Variants in KCNH7 observed in about 807,000 individuals in gnomAD.
KCNH7 encodes potassium voltage-gated channel subfamily H member 7.
A neutral mutation model predicts 120.8 loss-of-function variants in KCNH7; 49 were observed. The ratio of observed to expected loss-of-function variants is 0.41; its 90% CI spans 0.32 to 0.51. The LOEUF (loss-of-function observed/expected upper bound fraction) is 0.51. Ranked by LOEUF, KCNH7 falls within the 20% of genes least tolerant of loss-of-function variation. The pLI is 0.38. For missense variants in KCNH7, 1,097 were observed against 1,446.6 expected (o/e 0.76, Z 3.92); for synonymous variants, 547 against 516.1 (o/e 1.06, Z -0.81).
Position 162,446,227 on chromosome 2 carries a change from T to C in KCNH7, c.1345A>G (p.Ser449Gly). 6.2e-7 allele frequency: 1 copy of C among 1,613,768 alleles called. No individual in the cohort carries two copies. The highest frequency in any genetic ancestry group is 8.5e-7 in the Non-Finnish European group (1 of 1,179,698). The change falls in exon 7 of 16, where the codon AGC becomes GGC. Residue 449 changes from serine to glycine, a missense_variant. Transcript: ENST00000332142. ...QKRRECGYSC[S>G]PLNVVDLIVD... is the part of the protein sequence containing the mutation. ...ATCAAGTCTACCACATTCAAAGGGCTACAAGAATAGCCACATTCTCGTCTT... is the reference window on the plus strand; with the variant it reads ...ATCAAGTCTACCACATTCAAAGGGCCACAAGAATAGCCACATTCTCGTCTT...
chr2:162,524,372 C>A (rs752205572), intron 3 of KCNH7, among the ~76,000 whole-genome samples: 3 of 151,984 alleles, frequency 2.0e-5, no homozygotes, highest in Non-Finnish European at 4.4e-5. Flanking sequence ...CTGCCTTAAA[C>A]TACAATTTCC....
intron 2 of KCNH7, among the ~76,000 whole-genome samples, chr2:162,761,197 A>C (rs1371687311): frequency 6.6e-6 from 1 of 152,092 alleles, no homozygotes; most frequent in Non-Finnish European, 1.5e-5. Flanking sequence ...AATTGATTAG[A>C]AAGCTACTCA....
chr2:162,546,230 G>A (rs560191280), intron 2 of KCNH7, among the ~76,000 whole-genome samples: 7 of 152,142 alleles, frequency 4.6e-5, no homozygotes, highest in African/African-American at 1.7e-4. Context: ...GCCGATTTGC[G>A]GTGCTGCACT....
intron 12 of KCNH7, among the ~76,000 whole-genome samples, chr2:162,385,573 T>A (rs1686548699): frequency 6.6e-6 from 1 of 151,912 alleles, no homozygotes; most frequent in African/African-American, 2.4e-5. Context: ...ATTGGCTGTT[T>A]TATACTGAAA....
intron 6 of KCNH7, among the ~76,000 whole-genome samples, chr2:162,483,838 A>C (rs978435046): frequency 6.6e-6 from 1 of 152,134 alleles, no homozygotes; most frequent in Admixed American, 6.6e-5. Context: ...TGTATTTCTT[A>C]AAGCATTTAT....
intron 2 of KCNH7, among the ~76,000 whole-genome samples, chr2:162,561,704 C>T (rs1388799652): frequency 6.6e-6 from 1 of 152,100 alleles, no homozygotes; most frequent in Non-Finnish European, 1.5e-5. Context: ...TGAGAAGTGT[C>T]TGTTCATATC....
intron 6 of KCNH7, among the ~76,000 whole-genome samples, chr2:162,465,874 C>T (rs1689290009): frequency 6.6e-6 from 1 of 152,104 alleles, no homozygotes; most frequent in African/African-American, 2.4e-5. Flanking sequence ...ATAGACTGCC[C>T]ACCATTAATT....
intron 6 of KCNH7, among the ~76,000 whole-genome samples, chr2:162,483,680 A>G (rs1288170507): frequency 6.6e-6 from 1 of 152,110 alleles, no homozygotes; most frequent in South Asian, 2.1e-4. Flanking sequence ...ATAACCCTCT[A>G]AATTTTCATT....
chr2:162,604,590 T>C (rs1694669248), intron 2 of KCNH7, among the ~76,000 whole-genome samples: 2 of 152,062 alleles, frequency 1.3e-5, no homozygotes, highest in Admixed American at 6.6e-5. Flanking sequence ...CTCTTTGTTT[T>C]CCCCTCTAAA....
chr2:162,748,131 G>A (rs1399946599), intron 2 of KCNH7, among the ~76,000 whole-genome samples: 1 of 152,206 alleles, frequency 6.6e-6, no homozygotes, highest in Non-Finnish European at 1.5e-5. Flanking sequence ...AGACTTACTT[G>A]CAGAAGGGAA....
intron 2 of KCNH7, among the ~76,000 whole-genome samples, chr2:162,788,109 A>C (rs1384438620): frequency 6.6e-6 from 1 of 152,212 alleles, no homozygotes; most frequent in Non-Finnish European, 1.5e-5. Flanking sequence ...AACAAAGAAA[A>C]AAAAATAAAG....
chr2:162,621,150 C>T (rs1186596829), intron 2 of KCNH7, among the ~76,000 whole-genome samples: 1 of 149,370 alleles, frequency 6.7e-6, no homozygotes, highest in Non-Finnish European at 1.5e-5. Flanking sequence ...CAGGATATTA[C>T]TAATTTTAAA....
chr2:162,415,698 A>T (rs577223016), intron 9 of KCNH7, among the ~76,000 whole-genome samples: 193 of 152,240 alleles, frequency 1.3e-3, no homozygotes, highest in South Asian at 3.1e-3. Flanking sequence ...AATTTTTTTA[A>T]AAAAATTTAT....
intron 2 of KCNH7, among the ~76,000 whole-genome samples, chr2:162,805,839 C>A (rs896703716): frequency 2.6e-5 from 4 of 152,072 alleles, no homozygotes; most frequent in Non-Finnish European, 4.4e-5. Flanking sequence ...GTTCAGTGCC[C>A]ATTCACCAAT....
At chr2:162,453,016 T>A (rs1373110779) in intron 6 of KCNH7, among the ~76,000 whole-genome samples, 1 of 152,088 alleles carries the variant, frequency 6.6e-6, no homozygotes, top group East Asian at 1.9e-4. Context: ...TAGGTATACA[T>A]GTACCATGGT....
rs528145811 is a variant in KCNH7 at position 162,554,541 on chromosome 2, C to A, written c.308-17461G>T. Among the ~76,000 whole-genome samples the A allele has an allele frequency of 2.6e-5, 4 of 152,242 alleles. No homozygotes were observed. In the South Asian group the frequency reaches 8.3e-4, roughly 32 times the overall value. ...CCGAAGAGTGAATTCATTTCCTTGC[C>A]TTTTCTAGCTTTCTAGAGGCCACCT... On this transcript the variant is annotated intron_variant, in intron 2 of 15. Transcript: ENST00000332142.
chr2:162,373,564 C>T lies in KCNH7; in HGVS notation c.3230G>A (p.Gly1077Glu). 1 of 1,595,652 alleles carries T rather than the reference C, an allele frequency of 6.3e-7. No individual in the cohort carries two copies. The change falls in exon 15 of 16, where the codon GGA becomes GAA. Residue 1077 changes from glycine (G) to glutamate (E), a missense_variant. Transcript: ENST00000332142. ...GATGATGGGTCTCTGATATTCTGAT[C>T]CTGCTGTTACCATACTGTAGGCTGG... ...VPPAYSMVTAGSEYQRPIIQL... is the reference protein window; with the variant it reads ...VPPAYSMVTAESEYQRPIIQL...
intron 9 of KCNH7, 115 bp downstream of exon 9, chr2:162,423,221 C>T (rs370626764): frequency 2.1e-5 from 34 of 1,586,912 alleles, no homozygotes; most frequent in African/African-American, 2.7e-5. Context: ...AATACACATC[C>T]GAGAGAAGAA....
intron 2 of KCNH7, among the ~76,000 whole-genome samples, chr2:162,597,310 A>G (rs987647098): frequency 2.6e-5 from 4 of 152,068 alleles, no homozygotes; most frequent in African/African-American, 7.2e-5. Context: ...TCGATGATCA[A>G]TTGATTAAAA....
Sources: gnomAD v4.1 joint callset for allele counts (sites outside exome capture counted in the v4.1 genomes callset) on GRCh38, gnomAD v4.1.1 for gene constraint, MANE v1.5 for transcripts, NCBI Gene and HGNC (gene_info 2026-07-23, HGNC 2026-07-21) for gene names.